Variants in CHL1 observed in about 807,000 individuals in gnomAD.
CHL1 encodes the protein neural cell adhesion molecule L1-like protein.
In CHL1, 96 loss-of-function variants were observed where a neutral mutation model predicts 141.9. The observed-to-expected ratio is 0.68, with a 90% CI of 0.57 to 0.80. The LOEUF (loss-of-function observed/expected upper bound fraction) is 0.80, where lower values mean the gene tolerates loss of function less well. CHL1 is among the 30% of genes least tolerant of loss of function. The pLI, the probability that CHL1 is intolerant of heterozygous loss-of-function variation, is 0.00. For synonymous variants in CHL1, 613 were observed against 502.2 expected, an observed-to-expected ratio of 1.22 and a Z score of -2.95; for missense variants, 1,820 against 1,457.2, an observed-to-expected ratio of 1.25 and a Z score of -4.05.
chr3:218,648 G>A (rs1450965281), intron 1 of CHL1, among the ~76,000 whole-genome samples: 1 of 152,124 alleles, frequency 6.6e-6, no homozygotes, highest in Admixed American at 6.5e-5. Flanking sequence ...TTTAAGCTTT[G>A]GATGCTAACT....
At chr3:307,580 A>AT (rs1252265954) in intron 2 of CHL1, among the ~76,000 whole-genome samples, 3 of 152,086 alleles carry the variant, frequency 2.0e-5, no homozygotes, top group East Asian at 3.8e-4. Context: ...GGCTCCCTTG[A>AT]TTTTTTAATA....
chr3:363,492 T>C, intron 14 of CHL1, 109 bp downstream of exon 14: 1 of 1,014,824 alleles, frequency 9.9e-7, no homozygotes, highest in Non-Finnish European at 1.4e-6. Flanking sequence ...GATAAAGTTC[T>C]TTGAACCGTT....
At chr3:338,577 C>T (rs1702118307) in intron 5 of CHL1, among the ~76,000 whole-genome samples, 1 of 152,036 alleles carries the variant, frequency 6.6e-6, no homozygotes, top group African/African-American at 2.4e-5. Flanking sequence ...GTTTCAGAGT[C>T]AAAGGATAAG....
chr3:395,000 G>C (rs1279688424), intron 24 of CHL1, 128 bp downstream of exon 24: 4 of 768,132 alleles, frequency 5.2e-6, no homozygotes, highest in Non-Finnish European at 8.0e-6. Flanking sequence ...ATCCCACTCT[G>C]TCTGACCTTC....
At chr3:292,899 A>G (rs896312092) in intron 2 of CHL1, among the ~76,000 whole-genome samples, 2 of 152,196 alleles carry the variant, frequency 1.3e-5, no homozygotes, top group African/African-American at 4.8e-5. Context: ...ACCTCCTACC[A>G]GGCACCACCT....
At chr3:302,365 G>A (rs1698831747) in intron 2 of CHL1, among the ~76,000 whole-genome samples, 1 of 152,214 alleles carries the variant, frequency 6.6e-6, no homozygotes, top group East Asian at 1.9e-4. Flanking sequence ...CCCACCAACA[G>A]TGTAAAAGCA....
At chr3:211,127 A>G (rs944181329) in intron 1 of CHL1, among the ~76,000 whole-genome samples, 1 of 152,212 alleles carries the variant, frequency 6.6e-6, no homozygotes, top group African/African-American at 2.4e-5. Context: ...AATGTCAGGA[A>G]ACAAGGAACT....
chr3:279,397 T>G (rs1370553695), intron 2 of CHL1, among the ~76,000 whole-genome samples: 1 of 152,202 alleles, frequency 6.6e-6, no homozygotes, highest in Admixed American at 6.5e-5. Flanking sequence ...TTTTTCCTTC[T>G]TCTTAAGGTA....
chr3:354,739 T>A lies in CHL1; in HGVS notation c.1133T>A (p.Ile378Asn). 1 of 1,613,894 alleles carries A rather than the reference T, an allele frequency of 6.2e-7. No individual in the cohort carries two copies. The highest frequency in any genetic ancestry group is 1.3e-5 in the African/African-American group (1 of 75,028). Residue 378 changes from isoleucine (I) to asparagine (N), a missense_variant, in exon 11 of 28, where the codon ATC (isoleucine) becomes AAC (asparagine). Coordinates refer to ENST00000256509, the MANE Select transcript of CHL1 (RefSeq NM_006614.4). ...GCTGAAGGAGAACCTCAACCCACAA[T>A]CAAGTGGAGAGTCAATGGCTCCCCA... ...CEAEGEPQPT[I>N]KWRVNGSPVD...
At chr3:247,962 T>A (rs909170937) in intron 2 of CHL1, 3 of 152,118 alleles carry the variant, frequency 2.0e-5, no homozygotes, top group Admixed American at 6.6e-5. Context: ...CATGCCCTTG[T>A]CCCAGAATTA....
At chr3:315,011 G>A (rs1700056442) in intron 2 of CHL1, among the ~76,000 whole-genome samples, 1 of 152,012 alleles carries the variant, frequency 6.6e-6, no homozygotes, top group African/African-American at 2.4e-5. Flanking sequence ...TAGAGAATTT[G>A]CCTTTATTTT....
chr3:389,398 T>C lies in CHL1; in HGVS notation c.2394T>C (p.Asp798=). The part of the protein sequence containing the change: ...VMTPAVYAPY[D]VKVQAINQLG... ...CGCCTGCTGTCTATGCCCCTTATGA[T>C]GTCAAGGTCCAGGCTATCAATCAAC... Residue 798 remains aspartate, a synonymous_variant, in exon 20 of 28, where the codon GAT becomes GAC. Coordinates refer to ENST00000256509, the MANE Select transcript of CHL1 (RefSeq NM_006614.4). The C allele has an allele frequency of 6.2e-7, 1 of 1,614,214 alleles. No homozygotes were observed. The highest frequency in any genetic ancestry group is 8.5e-7 in the Non-Finnish European group (1 of 1,180,048).
At chr3:256,591 A>G (rs967427783) in intron 2 of CHL1, among the ~76,000 whole-genome samples, 1 of 152,216 alleles carries the variant, frequency 6.6e-6, no homozygotes, top group Non-Finnish European at 1.5e-5. Context: ...ATGCTGCTAC[A>G]TGTTCTGCAA....
chr3:222,831 G>T (rs1700974413), intron 1 of CHL1, among the ~76,000 whole-genome samples: 1 of 152,222 alleles, frequency 6.6e-6, no homozygotes, highest in African/African-American at 2.4e-5. Flanking sequence ...TTAATTCAAA[G>T]TATTCATTAC....
intron 3 of CHL1, among the ~76,000 whole-genome samples, chr3:325,010 G>C (rs1011201596): frequency 1.1e-4 from 17 of 151,842 alleles, no homozygotes; most frequent in African/African-American, 4.1e-4. Flanking sequence ...TTATGCATCA[G>C]TTATTATTAT....
chr3:407,848 C>T lies in CHL1; in HGVS notation c.*2137C>T, dbSNP rs188633284. Reference sequence around the variant, plus strand: ...TAGCTCTTCCTACACTTCGTGTTCCCCTTTAGCTGCCTGAAAATCAAGATT... The same window carrying T: ...TAGCTCTTCCTACACTTCGTGTTCCTCTTTAGCTGCCTGAAAATCAAGATT... On this transcript the variant is annotated 3_prime_UTR_variant, in exon 28 of 28. Coordinates refer to ENST00000256509, the MANE Select transcript of CHL1 (RefSeq NM_006614.4). 2 of 152,234 alleles carry T rather than the reference C, an allele frequency of 1.3e-5. No homozygotes were observed. The highest frequency in any genetic ancestry group is 2.4e-5 in the African/African-American group (1 of 41,556). 9.4% of individuals were successfully genotyped at this position (152,234 alleles called of 1,614,324 possible). A position where few individuals can be genotyped will look rare whatever the true frequency, so the allele number is the denominator to read the frequency against.
chr3:378,906 T>C (rs917549486), intron 16 of CHL1, among the ~76,000 whole-genome samples: 6 of 152,188 alleles, frequency 3.9e-5, no homozygotes, highest in Non-Finnish European at 5.9e-5. Flanking sequence ...TTTGGAACTA[T>C]CGTAAATTTG....
chr3:388,929 C>T (rs1305075083), intron 19 of CHL1, among the ~76,000 whole-genome samples: 1 of 152,196 alleles, frequency 6.6e-6, no homozygotes, highest in East Asian at 1.9e-4. Flanking sequence ...AAAGCATAAG[C>T]AAAAAGCTAA....
At chr3:205,051 A>G (rs1699285585) in intron 1 of CHL1, among the ~76,000 whole-genome samples, 1 of 151,774 alleles carries the variant, frequency 6.6e-6, no homozygotes, top group South Asian at 2.1e-4. Flanking sequence ...AACCCAGTTC[A>G]TAGCCCACTC....
Sources: allele counts gnomAD v4.1 joint callset (sites outside exome capture counted in the v4.1 genomes callset), GRCh38; gene constraint gnomAD v4.1.1; transcripts MANE v1.5; gene names NCBI Gene and HGNC (gene_info 2026-07-23, HGNC 2026-07-21).